ANKFN1: variants seen among roughly 807,000 people sequenced by gnomAD.
ANKFN1 encodes the protein ankyrin repeat and fibronectin type-III domain-containing protein 1.
ANKFN1 carries 74 observed loss-of-function variants against 108.7 expected under a neutral mutation model. The observed-to-expected ratio is 0.68, with a 90% CI of 0.56 to 0.83. The LOEUF is 0.83. ANKFN1 is among the 40% of genes least tolerant of loss of function. The pLI is 0.00. For missense variants in ANKFN1, 1,505 were observed against 1,382.3 expected (o/e 1.09, Z -1.41); for synonymous variants, 547 against 516.2 (o/e 1.06, Z -0.81).
intron 4 of ANKFN1, among the ~76,000 whole-genome samples, chr17:56,085,076 A>C (rs1358657746): frequency 6.6e-6 from 1 of 150,564 alleles, no homozygotes; most frequent in South Asian, 2.1e-4. Flanking sequence ...TCATTTATCC[A>C]ACAAATATTT....
intron 4 of ANKFN1, among the ~76,000 whole-genome samples, chr17:56,341,742 T>C (rs2045964630): frequency 6.6e-6 from 1 of 151,896 alleles, no homozygotes; most frequent in South Asian, 2.1e-4. Context: ...ATCAATGTTC[T>C]TCCAGGACAT....
chr17:56,387,374 C>T (rs2047305901), intron 8 of ANKFN1, among the ~76,000 whole-genome samples: 1 of 152,060 alleles, frequency 6.6e-6, no homozygotes, highest in Non-Finnish European at 1.5e-5. Context: ...TATTTGTAAA[C>T]AATTTGTAAT....
intron 3 of ANKFN1, among the ~76,000 whole-genome samples, chr17:56,267,986 TG>T (rs1360443363): frequency 1.8e-4 from 28 of 152,200 alleles, no homozygotes; most frequent in Admixed American, 6.5e-5. Context: ...TCAGGAAGTA[TG>T]GCTGCTTTAA....
chr17:56,431,204 C>G (rs907138160), intron 8 of ANKFN1, among the ~76,000 whole-genome samples: 1 of 152,056 alleles, frequency 6.6e-6, no homozygotes, highest in Non-Finnish European at 1.5e-5. Context: ...AGTTTTGGGT[C>G]GAAGCAGACC....
chr17:56,237,825 G>A (rs1211322017), intron 3 of ANKFN1, among the ~76,000 whole-genome samples: 3 of 151,818 alleles, frequency 2.0e-5, no homozygotes, highest in Non-Finnish European at 2.9e-5. Context: ...TAGCTTTGGT[G>A]TTGGCTTTCT....
intron 3 of ANKFN1, among the ~76,000 whole-genome samples, chr17:56,315,895 C>T (rs2045193436): frequency 6.6e-6 from 1 of 152,178 alleles, no homozygotes; most frequent in Non-Finnish European, 1.5e-5. Flanking sequence ...GATGAGGCTA[C>T]AATTTAAAAA....
At chr17:56,329,142 AG>A (rs2144553635) in intron 4 of ANKFN1, among the ~76,000 whole-genome samples, 1 of 152,280 alleles carries the variant, frequency 6.6e-6, no homozygotes, top group Non-Finnish European at 1.5e-5. Context: ...TGTTGGGTAC[AG>A]GTTAAAGTCT....
intron 4 of ANKFN1, among the ~76,000 whole-genome samples, chr17:56,054,584 A>G (rs1000105898): frequency 6.6e-5 from 10 of 152,118 alleles, no homozygotes; most frequent in African/African-American, 2.4e-4. Flanking sequence ...CATTATGTCT[A>G]AAAAAAATCA....
At chr17:56,367,098 C>G (rs903211790) in intron 6 of ANKFN1, among the ~76,000 whole-genome samples, 3 of 152,128 alleles carry the variant, frequency 2.0e-5, no homozygotes, top group Admixed American at 2.0e-4. Context: ...GGAACATACC[C>G]ATAATAACAG....
intron 3 of ANKFN1, among the ~76,000 whole-genome samples, chr17:56,280,702 GT>G (rs151006741): frequency 5.9e-5 from 9 of 151,482 alleles, no homozygotes; most frequent in South Asian, 2.1e-4. Context: ...AAATCACGGA[GT>G]TTTTTTTTGT....
intron 3 of ANKFN1, among the ~76,000 whole-genome samples, chr17:56,284,532 C>G (rs908288575): frequency 6.6e-6 from 1 of 152,178 alleles, no homozygotes; most frequent in African/African-American, 2.4e-5. Context: ...AATCGCCCAG[C>G]ATAGGAAAGC....
intron 3 of ANKFN1, among the ~76,000 whole-genome samples, chr17:56,325,662 G>C (rs1018540564): frequency 1.3e-5 from 2 of 152,154 alleles, no homozygotes; most frequent in Non-Finnish European, 2.9e-5. Context: ...ATGCCCCCTA[G>C]CTCCTGCTAG....
chr17:56,060,970 C>T (rs1260677386), intron 4 of ANKFN1, among the ~76,000 whole-genome samples: 1 of 152,190 alleles, frequency 6.6e-6, no homozygotes, highest in Non-Finnish European at 1.5e-5. Flanking sequence ...GGAGGAGTCC[C>T]TCTTTTTCAA....
At chr17:56,085,180 CATATATATATATATAT>C (rs10572105) in intron 4 of ANKFN1, among the ~76,000 whole-genome samples, 3 of 137,760 alleles carry the variant, frequency 2.2e-5, no homozygotes, top group Admixed American at 7.2e-5. Flanking sequence ...CCCTCCAAAG[CATATATATATATATAT>C]ATATATATAT....
chr17:56,440,517 C>A, intron 9 of ANKFN1, 93 bp downstream of exon 9: 1 of 957,394 alleles, frequency 1.0e-6, no homozygotes, highest in Non-Finnish European at 1.6e-6. Context: ...CAACAGCCAA[C>A]GCCCAGTCCT....
intron 1 of ANKFN1, among the ~76,000 whole-genome samples, chr17:56,162,690 G>C (rs2143511419): frequency 6.6e-6 from 1 of 152,344 alleles, no homozygotes; most frequent in African/African-American, 2.4e-5. Flanking sequence ...ACACAAATGA[G>C]TGGAAATATC....
chr17:56,346,939 C>A (rs2046120457), intron 4 of ANKFN1, among the ~76,000 whole-genome samples: 2 of 151,964 alleles, frequency 1.3e-5, no homozygotes, highest in African/African-American at 4.8e-5. Flanking sequence ...CTGTTACCTA[C>A]AATCTCTGTG....
At chr17:56,359,938 G>T (rs967398610) in intron 6 of ANKFN1, among the ~76,000 whole-genome samples, 1 of 152,090 alleles carries the variant, frequency 6.6e-6, no homozygotes, top group Non-Finnish European at 1.5e-5. Flanking sequence ...AATCTGACTC[G>T]TTGCTGAGAG....
chr17:56,205,833 T>A (rs1914486296), intron 1 of ANKFN1, among the ~76,000 whole-genome samples: 1 of 152,172 alleles, frequency 6.6e-6, no homozygotes, highest in Non-Finnish European at 1.5e-5. Flanking sequence ...AAATCTACAC[T>A]AGTCCTGAAA....
Sources: gnomAD v4.1 joint callset for allele counts (sites outside exome capture counted in the v4.1 genomes callset) on GRCh38, gnomAD v4.1.1 for gene constraint, MANE v1.5 for transcripts, NCBI Gene and HGNC (gene_info 2026-07-23, HGNC 2026-07-21) for gene names.